Variants in UBR1 observed in about 807,000 individuals in gnomAD.
UBR1 encodes the protein ubiquitin protein ligase E3 component n-recognin 1.
In UBR1, 102 loss-of-function variants were observed where a neutral mutation model predicts 242.1. The observed-to-expected ratio is 0.42, with a 90% confidence interval of 0.36 to 0.50. The LOEUF is 0.50. Ranked by LOEUF, UBR1 falls within the 20% of genes least tolerant of loss-of-function variation. The probability of loss-of-function intolerance (pLI) is 0.01; values close to 1 mark genes in which losing one functional copy is unlikely to be tolerated. For missense variants in UBR1, 1,772 were observed against 2,101.8 expected (o/e 0.84, Z 3.07); for synonymous variants, 675 against 684.8 (o/e 0.99, Z 0.22).
At chr15:42,954,720 C>T (rs960391642) in intron 44 of UBR1, among the ~76,000 whole-genome samples, 3 of 152,186 alleles carry the variant, frequency 2.0e-5, no homozygotes, top group African/African-American at 7.2e-5. Flanking sequence ...GATGCGCCAA[C>T]ATACCTGGCT....
intron 6 of UBR1, among the ~76,000 whole-genome samples, chr15:43,067,261 T>A (rs762989367): frequency 7.9e-5 from 12 of 152,194 alleles, no homozygotes; most frequent in Non-Finnish European, 1.6e-4. Flanking sequence ...TCATTAATAA[T>A]TTGCGATCAC....
intron 1 of UBR1, among the ~76,000 whole-genome samples, chr15:43,103,282 T>C (rs190458437): frequency 2.9e-3 from 447 of 152,296 alleles, no homozygotes; most frequent in Admixed American, 6.1e-3. Flanking sequence ...GGGAAGATCA[T>C]CTGAGCCCAA....
At chr15:43,093,941 C>T (rs2034132505) in intron 1 of UBR1, among the ~76,000 whole-genome samples, 1 of 152,020 alleles carries the variant, frequency 6.6e-6, no homozygotes, top group South Asian at 2.1e-4. Context: ...ATAACTATTA[C>T]GTCTCTCATT....
At chr15:43,087,807 A>G (rs547934395) in intron 1 of UBR1, among the ~76,000 whole-genome samples, 2 of 152,314 alleles carry the variant, frequency 1.3e-5, no homozygotes, top group African/African-American at 4.8e-5. Context: ...AAATGTCCCA[A>G]AACAAGAGCT....
At chr15:43,093,202 G>A (rs17720890) in intron 1 of UBR1, among the ~76,000 whole-genome samples, 3,663 of 152,262 alleles carry the variant, frequency 0.024, 80 homozygotes, top group South Asian at 0.066. Context: ...TGACCCAACA[G>A]CTTAGATGCC....
chr15:42,971,385 C>T (rs1567111912), intron 39 of UBR1, among the ~76,000 whole-genome samples: 2 of 152,228 alleles, frequency 1.3e-5, no homozygotes, highest in African/African-American at 2.4e-5. Context: ...ACTGCCAACT[C>T]TCTCACTTAC....
At chr15:43,089,222 G>A (rs2034078320) in intron 1 of UBR1, among the ~76,000 whole-genome samples, 1 of 151,692 alleles carries the variant, frequency 6.6e-6, no homozygotes, top group African/African-American at 2.4e-5. Flanking sequence ...GCTGGGTGAG[G>A]TGGCTTATGC....
intron 46 of UBR1, among the ~76,000 whole-genome samples, 187 bp from the exon 47 acceptor site, chr15:42,945,657 T>C (rs1444910573): frequency 6.6e-6 from 1 of 152,196 alleles, no homozygotes; most frequent in Non-Finnish European, 1.5e-5. Flanking sequence ...ACTTAGCTAA[T>C]AAAGCAGAAA....
At chr15:43,049,710 C>A (rs1390297199) in intron 12 of UBR1, among the ~76,000 whole-genome samples, 1 of 152,142 alleles carries the variant, frequency 6.6e-6, no homozygotes, top group Non-Finnish European at 1.5e-5. Context: ...ATCAAAGAAA[C>A]TTATAAAGAT....
At chr15:43,005,894 C>G (rs1452379253) in intron 30 of UBR1, among the ~76,000 whole-genome samples, 1 of 149,106 alleles carries the variant, frequency 6.7e-6, no homozygotes, top group Admixed American at 6.7e-5. Context: ...AGGCAGCATG[C>G]TCGTTAAGAG....
At chr15:43,057,702 A>G (rs2033635350) in intron 10 of UBR1, among the ~76,000 whole-genome samples, 1 of 152,164 alleles carries the variant, frequency 6.6e-6, no homozygotes, top group Non-Finnish European at 1.5e-5. Context: ...CTTTCCTGCT[A>G]TACTTTTCAA....
At chr15:43,007,024 A>G in intron 30 of UBR1, 55 bp downstream of exon 30, 1 of 1,557,044 alleles carries the variant, frequency 6.4e-7, no homozygotes, top group Non-Finnish European at 8.9e-7. Flanking sequence ...ATTTTCTTTA[A>G]TTACACAGGC....
At chr15:43,102,567 A>G (rs2034250513) in intron 1 of UBR1, among the ~76,000 whole-genome samples, 1 of 152,236 alleles carries the variant, frequency 6.6e-6, no homozygotes, top group Non-Finnish European at 1.5e-5. Flanking sequence ...AATTGACTTA[A>G]GGAAGAAAAT....
chr15:43,029,766 A>G (rs2033229989), intron 21 of UBR1, among the ~76,000 whole-genome samples, 178 bp downstream of exon 21: 1 of 152,234 alleles, frequency 6.6e-6, no homozygotes, highest in African/African-American at 2.4e-5. Flanking sequence ...CAAAAAGTAA[A>G]GGAGTTTCTC....
intron 1 of UBR1, among the ~76,000 whole-genome samples, chr15:43,089,597 T>C (rs2034083769): frequency 6.6e-6 from 1 of 152,098 alleles, no homozygotes. Context: ...CACCACAACA[T>C]TATTGTATTA....
intron 29 of UBR1, among the ~76,000 whole-genome samples, chr15:43,014,338 C>T (rs977334261): frequency 6.6e-6 from 1 of 151,866 alleles, no homozygotes; most frequent in Non-Finnish European, 1.5e-5. Flanking sequence ...TCTGCCTGGC[C>T]GCGCATCGTC....
intron 6 of UBR1, among the ~76,000 whole-genome samples, chr15:43,060,399 C>T (rs2033669451): frequency 6.6e-6 from 1 of 152,196 alleles, no homozygotes; most frequent in African/African-American, 2.4e-5. Flanking sequence ...GTCCTCTCTA[C>T]TTATATGAAA....
intron 42 of UBR1, among the ~76,000 whole-genome samples, chr15:42,961,921 ATTTTTTTT>A (rs57244897): frequency 6.0e-5 from 8 of 133,462 alleles, no homozygotes; most frequent in African/African-American, 1.7e-4. Context: ...TGCCCAGCTA[ATTTTTTTT>A]TTTTTTTTGT....
Position 43,059,964 on chromosome 15 carries a change from G to A in UBR1, c.861+88C>T, listed in dbSNP as rs931894560. The A allele has an allele frequency of 4.5e-6, 7 of 1,555,864 alleles. No individual in the cohort carries two copies. In the East Asian group the frequency reaches 1.6e-4, roughly 35 times the overall value. ...TCTAGGTGCCCCAAACCACTTCAAC[G>A]ACATCATCACTCAAATTATTCTACT... is the stretch of plus-strand genomic sequence containing the variant. On this transcript the variant is annotated intron_variant, in intron 7 of 46. Coordinates refer to ENST00000290650, the MANE Select transcript of UBR1 (RefSeq NM_174916.3).
Sources: gnomAD v4.1 joint callset for allele counts (sites outside exome capture counted in the v4.1 genomes callset) on GRCh38, gnomAD v4.1.1 for gene constraint, MANE v1.5 for transcripts, NCBI Gene and HGNC (gene_info 2026-07-23, HGNC 2026-07-21) for gene names.